Variants in SORCS2 observed in about 807,000 individuals in gnomAD.
SORCS2 encodes the protein VPS10 domain-containing receptor SorCS2.
A neutral mutation model predicts 141.6 loss-of-function variants in SORCS2; 100 were observed. The ratio of observed to expected loss-of-function variants is 0.71; its 90% CI spans 0.60 to 0.83. The LOEUF is 0.83. Among genes scored for constraint, SORCS2 ranks in the 40% least tolerant of loss-of-function variants. The pLI, the probability that SORCS2 is intolerant of heterozygous loss-of-function variation, is 0.00. For synonymous variants in SORCS2, 789 were observed against 676.9 expected (o/e 1.17, Z -2.57); for missense variants, 1,646 against 1,560.2 (o/e 1.05, Z -0.93).
At chr4:7,604,965 C>T (rs1266255489) in intron 3 of SORCS2, among the ~76,000 whole-genome samples, 1 of 152,110 alleles carries the variant, frequency 6.6e-6, no homozygotes, top group African/African-American at 2.4e-5. Context: ...TCAAGATATC[C>T]CGCTGAGTTA....
At chr4:7,319,087 C>G (rs1718741512) in intron 1 of SORCS2, among the ~76,000 whole-genome samples, 1 of 152,144 alleles carries the variant, frequency 6.6e-6, no homozygotes, top group Non-Finnish European at 1.5e-5. Context: ...TACTGAGGAG[C>G]AGTATTCCAT....
intron 12 of SORCS2, among the ~76,000 whole-genome samples, chr4:7,699,229 G>A (rs1465915599): frequency 6.6e-6 from 1 of 152,164 alleles, no homozygotes; most frequent in East Asian, 1.9e-4. Flanking sequence ...TCAAGGCGCA[G>A]GAAACCACAG....
At chr4:7,501,222 C>T (rs1731957218) in intron 2 of SORCS2, among the ~76,000 whole-genome samples, 1 of 152,242 alleles carries the variant, frequency 6.6e-6, no homozygotes, top group Non-Finnish European at 1.5e-5. Context: ...CCGTCACCCG[C>T]TCGGTCCCAC....
intron 4 of SORCS2, 33 bp downstream of exon 4, chr4:7,638,525 T>C (rs1454139125): frequency 1.9e-6 from 3 of 1,586,338 alleles, no homozygotes; most frequent in Non-Finnish European, 2.6e-6. Flanking sequence ...GCCTGGTCTG[T>C]GGGGCTGGGG....
chr4:7,687,865 C>T (rs1436001632), intron 10 of SORCS2, among the ~76,000 whole-genome samples: 2 of 152,198 alleles, frequency 1.3e-5, no homozygotes, highest in Non-Finnish European at 2.9e-5. Context: ...CGATCCTTAG[C>T]TGTCACCTCG....
intron 4 of SORCS2, among the ~76,000 whole-genome samples, chr4:7,639,784 T>TGG (rs986444267): frequency 2.6e-5 from 4 of 151,084 alleles, no homozygotes; most frequent in Admixed American, 6.6e-5. Flanking sequence ...TGTGTGTGTG[T>TGG]GGGTATGTAT....
chr4:7,567,946 G>C (rs969243617), intron 3 of SORCS2, among the ~76,000 whole-genome samples: 3 of 152,190 alleles, frequency 2.0e-5, no homozygotes, highest in African/African-American at 7.2e-5. Flanking sequence ...GTTGGCTGCT[G>C]TGTCTCTTTG....
chr4:7,575,258 C>A (rs749144830), intron 3 of SORCS2, among the ~76,000 whole-genome samples: 1 of 152,202 alleles, frequency 6.6e-6, no homozygotes, highest in Non-Finnish European at 1.5e-5. Context: ...TGTTCATTAA[C>A]CCTATTCAAA....
At chr4:7,377,693 G>A (rs1281768193) in intron 1 of SORCS2, among the ~76,000 whole-genome samples, 1 of 152,216 alleles carries the variant, frequency 6.6e-6, no homozygotes, top group African/African-American at 2.4e-5. Flanking sequence ...GCCACAGCTG[G>A]TAATGAAATG....
At chr4:7,385,034 G>A (rs1723207980) in intron 1 of SORCS2, among the ~76,000 whole-genome samples, 1 of 152,182 alleles carries the variant, frequency 6.6e-6, no homozygotes, top group South Asian at 2.1e-4. Flanking sequence ...GGGCATTTGT[G>A]GATCCCAAGC....
intron 1 of SORCS2, among the ~76,000 whole-genome samples, chr4:7,252,153 C>G (rs1713546740): frequency 6.6e-6 from 1 of 152,242 alleles, no homozygotes; most frequent in Non-Finnish European, 1.5e-5. Flanking sequence ...AGCTGAGATA[C>G]TACCTGGCAT....
chr4:7,736,039 G>A (rs58103057), intron 25 of SORCS2, among the ~76,000 whole-genome samples: 9,116 of 152,328 alleles, frequency 0.06, 396 homozygotes, highest in East Asian at 0.16. Flanking sequence ...ATAGGCAGAA[G>A]TGCCCAATAT....
rs535818320 is a variant in SORCS2, at chr4:7,258,660, C to G, written c.480+65534C>G. Reference sequence around the variant, plus strand: ...GATTTATAATCCTTTGGGTATATACCCAGTAATGGGATTGCTGGGTCAAAT... The same window carrying G: ...GATTTATAATCCTTTGGGTATATACGCAGTAATGGGATTGCTGGGTCAAAT... On this transcript the variant is annotated intron_variant, in intron 1 of 26. Transcript: ENST00000507866. 4.6e-5 allele frequency among the ~76,000 whole-genome samples: 7 copies of G among 152,216 alleles called. No homozygotes were observed. The South Asian group carries it at 1.5e-3, about 32-fold the overall frequency.
At chr4:7,514,742 G>A (rs891644910) in intron 2 of SORCS2, among the ~76,000 whole-genome samples, 2 of 152,162 alleles carry the variant, frequency 1.3e-5, no homozygotes, top group African/African-American at 2.4e-5. Flanking sequence ...ACACCCCTGT[G>A]AGCCTTGGTG....
At position 7,718,105 on chromosome 4, in the gene SORCS2, C is replaced by A; in HGVS notation, c.2346C>A (p.Gly782=). The change falls in exon 18 of 27, where the codon GGC becomes GGA. Residue 782 remains glycine, a synonymous_variant. Coordinates refer to ENST00000507866, the MANE Select transcript of SORCS2 (RefSeq NM_020777.3). ...QLQCPLTPPR[G]LQVSIQGEAV... ...AGTGCCCCCTCACGCCGCCCCGGGG[C>A]CTGCAGGTCAGCATTCAAGGCGAGG... 1 of 1,611,928 alleles carries A rather than the reference C, an allele frequency of 6.2e-7. No homozygotes were observed. Among genetic ancestry groups the A allele is most frequent in the South Asian group, 1.1e-5 (1 of 90,676 alleles).
intron 3 of SORCS2, among the ~76,000 whole-genome samples, chr4:7,582,688 T>C (rs904279807): frequency 6.6e-6 from 1 of 152,008 alleles, no homozygotes; most frequent in African/African-American, 2.4e-5. Context: ...TTAAAGGATA[T>C]AAAAAATGAA....
At chr4:7,729,789 C>G in intron 23 of SORCS2, 77 bp downstream of exon 23, 1 of 1,538,542 alleles carries the variant, frequency 6.5e-7, no homozygotes, top group Non-Finnish European at 8.8e-7. Context: ...CAAGCAGGGA[C>G]GTCTCAGTGG....
intron 3 of SORCS2, among the ~76,000 whole-genome samples, chr4:7,562,234 T>C (rs1239885223): frequency 6.6e-6 from 1 of 152,148 alleles, no homozygotes; most frequent in Non-Finnish European, 1.5e-5. Context: ...TGTCACAATG[T>C]GCTCGACCCA....
chr4:7,333,468 C>T (rs1719789282), intron 1 of SORCS2, among the ~76,000 whole-genome samples: 1 of 152,168 alleles, frequency 6.6e-6, no homozygotes. Flanking sequence ...GGACGTGCTC[C>T]CTAAACTGCA....
Sources: gnomAD v4.1 joint callset for allele counts (sites outside exome capture counted in the v4.1 genomes callset) on GRCh38, gnomAD v4.1.1 for gene constraint, MANE v1.5 for transcripts, NCBI Gene and HGNC (gene_info 2026-07-23, HGNC 2026-07-21) for gene names.